The following ZNF804A variants were observed in gnomAD, a reference collection of about 807,000 sequenced individuals.
ZNF804A encodes zinc finger protein 804A.
In ZNF804A, 2 loss-of-function variants were observed where a neutral mutation model predicts 16.5. The observed-to-expected ratio is 0.12, with a 90% confidence interval of 0.05 to 0.38. The LOEUF (loss-of-function observed/expected upper bound fraction) is 0.38, where lower values mean the gene tolerates loss of function less well. ZNF804A is among the 10% of genes least tolerant of loss of function. ZNF804A has a pLI of 0.99. For synonymous variants in ZNF804A, 534 were observed against 489.6 expected, an observed-to-expected ratio of 1.09 and a Z score of -1.20; for missense variants, 1,473 against 1,390.7, an observed-to-expected ratio of 1.06 and a Z score of -0.94.
At chr2:184,893,301 A>G (rs546184370) in intron 2 of ZNF804A, among the ~76,000 whole-genome samples, 9 of 152,076 alleles carry the variant, frequency 5.9e-5, no homozygotes, top group African/African-American at 2.2e-4. Flanking sequence ...CCAACTTAGG[A>G]CTCAAAGTAA....
At chr2:184,833,173 TG>T (rs1054056706) in intron 1 of ZNF804A, among the ~76,000 whole-genome samples, 1 of 152,084 alleles carries the variant, frequency 6.6e-6, no homozygotes, top group African/African-American at 2.4e-5. Flanking sequence ...AAGTATTTTT[TG>T]TAAATTTCCC....
chr2:184,930,742 A>T (rs1363880755), intron 2 of ZNF804A, among the ~76,000 whole-genome samples: 2 of 152,208 alleles, frequency 1.3e-5, no homozygotes, highest in Non-Finnish European at 2.9e-5. Flanking sequence ...TAATTTAAAA[A>T]TTTTTATGGA....
chr2:184,655,323 T>C (rs919043516), intron 1 of ZNF804A, among the ~76,000 whole-genome samples: 2 of 152,184 alleles, frequency 1.3e-5, no homozygotes, highest in Non-Finnish European at 2.9e-5. Context: ...GGTATTGGTC[T>C]GAGACAAACA....
At chr2:184,750,239 T>C (rs537494013) in intron 1 of ZNF804A, among the ~76,000 whole-genome samples, 57 of 151,444 alleles carry the variant, frequency 3.8e-4, no homozygotes, top group African/African-American at 1.4e-3. Context: ...TCAATGAAAA[T>C]GATCTTCACA....
intron 1 of ZNF804A, among the ~76,000 whole-genome samples, chr2:184,865,779 G>A (rs370823209): frequency 1.4e-4 from 21 of 151,952 alleles, no homozygotes; most frequent in Admixed American, 8.5e-4. Flanking sequence ...TGAAATAACC[G>A]CAGAAAAGGG....
intron 2 of ZNF804A, among the ~76,000 whole-genome samples, chr2:184,870,653 C>T (rs759939901): frequency 2.6e-5 from 4 of 151,802 alleles, no homozygotes; most frequent in Non-Finnish European, 5.9e-5. Context: ...TAATGCTGCT[C>T]ATATATATAA....
chr2:184,703,122 T>G (rs1047625186), intron 1 of ZNF804A, among the ~76,000 whole-genome samples: 1 of 152,192 alleles, frequency 6.6e-6, no homozygotes, highest in East Asian at 1.9e-4. Context: ...CTTCTTTTTC[T>G]TACATTTCGT....
intron 1 of ZNF804A, among the ~76,000 whole-genome samples, chr2:184,712,547 G>A (rs553238582): frequency 3.3e-5 from 5 of 151,752 alleles, no homozygotes; most frequent in South Asian, 2.1e-4. Flanking sequence ...TCTGAGCTTC[G>A]TAAATCTCAA....
intron 2 of ZNF804A, among the ~76,000 whole-genome samples, chr2:184,881,142 A>T (rs34945978): frequency 0.14 from 21,113 of 152,062 alleles, 1,576 homozygotes; most frequent in Middle Eastern, 0.24. Flanking sequence ...TTAACAGCAG[A>T]ATCCACCCAG....
At chr2:184,868,112 T>G (rs1414609031) in intron 2 of ZNF804A, among the ~76,000 whole-genome samples, 2 of 152,040 alleles carry the variant, frequency 1.3e-5, no homozygotes, top group African/African-American at 4.8e-5. Context: ...TGGCTTGCAA[T>G]TTTGGTATTC....
Position 184,933,677 on chromosome 2 carries a change from G to A in ZNF804A, c.330G>A (p.Gln110=), listed in dbSNP as rs150433858. 1.8e-5 allele frequency: 29 copies of A among 1,610,914 alleles called. No individual in the cohort carries two copies. The highest frequency in any genetic ancestry group is 3.4e-5 in the Admixed American group (2 of 59,384). ...AATCCAGGAAAGATGAAAGAAAACA[G>A]GAAAAGGCACTCCAACGCCTGCACA... ...ASKSRKDERK[Q]EKALQRLHKL... The change falls in exon 3 of 4, where the codon CAG becomes CAA. Residue 110 remains glutamine, a synonymous_variant. Coordinates refer to ENST00000302277, the MANE Select transcript of ZNF804A (RefSeq NM_194250.2).
intron 2 of ZNF804A, among the ~76,000 whole-genome samples, chr2:184,885,927 C>T (rs1461899481): frequency 6.6e-6 from 1 of 152,118 alleles, no homozygotes; most frequent in African/African-American, 2.4e-5. Context: ...CCAACCGTGG[C>T]CTCTCCAAAT....
At chr2:184,761,906 C>T (rs191341357) in intron 1 of ZNF804A, among the ~76,000 whole-genome samples, 105 of 152,092 alleles carry the variant, frequency 6.9e-4, no homozygotes, top group African/African-American at 2.4e-3. Context: ...GCTTTTGAGC[C>T]TAGAAATTAT....
At chr2:184,927,876 G>A (rs1263692197) in intron 2 of ZNF804A, among the ~76,000 whole-genome samples, 3 of 152,156 alleles carry the variant, frequency 2.0e-5, no homozygotes. Flanking sequence ...CTTCAGGGCA[G>A]TGGGCTCCCC....
chr2:184,828,078 G>C (rs1695197082), intron 1 of ZNF804A, among the ~76,000 whole-genome samples: 1 of 151,550 alleles, frequency 6.6e-6, no homozygotes, highest in African/African-American at 2.4e-5. Context: ...CCATGATAAT[G>C]ACAAAATAAT....
rs1685817062 is a variant in ZNF804A at position 184,937,741 on chromosome 2, A to G, written c.2345A>G (p.Asp782Gly). 1.2e-6 allele frequency: 2 copies of G among 1,613,948 alleles called. No homozygotes were observed. Among genetic ancestry groups the G allele is most frequent in the East Asian group, 2.2e-5 (1 of 44,872 alleles). Residue 782 changes from aspartate to glycine, a missense_variant, in exon 4 of 4, where the codon GAT becomes GGT. By Grantham distance (94) the Asp-to-Gly change is moderately conservative. Transcript: ENST00000302277. ...CAACATTCACATTCTTATTCTTCAG[A>G]TGAAAGTTTAAATCGACAGAATCAT... is the stretch of plus-strand genomic sequence containing the variant. ...RRQHSHSYSS[D>G]ESLNRQNHLP...
At chr2:184,830,769 G>A (rs957258036) in intron 1 of ZNF804A, among the ~76,000 whole-genome samples, 1 of 152,064 alleles carries the variant, frequency 6.6e-6, no homozygotes. Context: ...TCCTCCTAGA[G>A]AATGGAATTG....
intron 1 of ZNF804A, among the ~76,000 whole-genome samples, chr2:184,650,524 C>A (rs11894278): frequency 0.028 from 4,199 of 152,124 alleles, 207 homozygotes; most frequent in African/African-American, 0.095. Flanking sequence ...TAAGCTGTCT[C>A]ACTTCACGGA....
intron 2 of ZNF804A, among the ~76,000 whole-genome samples, chr2:184,925,417 G>C (rs1050067023): frequency 7.2e-5 from 11 of 151,780 alleles, no homozygotes; most frequent in East Asian, 1.9e-4. Flanking sequence ...TTCACTCTGT[G>C]TGTGTTTTTA....
Sources: allele counts gnomAD v4.1 joint callset (sites outside exome capture counted in the v4.1 genomes callset), GRCh38; gene constraint gnomAD v4.1.1; transcripts MANE v1.5; gene names NCBI Gene and HGNC (gene_info 2026-07-23, HGNC 2026-07-21).